Variants in ALG13 observed in about 807,000 individuals in gnomAD.
The protein encoded by ALG13 is ALG13 UDP-N-acetylglucosaminyltransferase subunit, also known as UDP-N-acetylglucosamine transferase subunit ALG13.
Under a neutral mutation model 87.8 loss-of-function variants are expected in ALG13, and 11 were observed. That is an observed-to-expected ratio of 0.13 (90% CI 0.08 to 0.21). The LOEUF (loss-of-function observed/expected upper bound fraction) is 0.21, where lower values mean the gene tolerates loss of function less well. Among genes scored for constraint, ALG13 ranks in the 10% least tolerant of loss-of-function variants. ALG13 has a pLI of 1.00. For synonymous variants in ALG13, 320 were observed against 306.3 expected, an observed-to-expected ratio of 1.04 and a Z score of -0.47; for missense variants, 756 against 866.1, an observed-to-expected ratio of 0.87 and a Z score of 1.60.
chrX:111,708,702 G>A (rs764682324), intron 4 of ALG13, among the ~76,000 whole-genome samples: 1 of 111,634 alleles, frequency 9.0e-6, no homozygotes, highest in South Asian at 3.8e-4. Context: ...AGCATCCCCT[G>A]CTTCCTCTAA....
intron 8 of ALG13, among the ~76,000 whole-genome samples, 189 bp downstream of exon 8, chrX:111,713,486 C>T (rs1264426669): frequency 9.0e-6 from 1 of 111,543 alleles, no homozygotes; most frequent in African/African-American, 3.3e-5. Context: ...CAGACCTGAT[C>T]GTCATTTCTC....
At chrX:111,753,033 T>A (rs1045878186) in intron 25 of ALG13, 1 of 357,329 alleles carries the variant, frequency 2.8e-6, no homozygotes. Context: ...AAAATAGTCG[T>A]TAAACTGAAG....
intron 5 of ALG13, chrX:111,710,891 G>T (rs986014904): frequency 5.4e-5 from 6 of 111,049 alleles, no homozygotes; most frequent in African/African-American, 2.0e-4. Flanking sequence ...TAGAGATGGG[G>T]TTTCACCATG....
At chrX:111,702,433 TTTTA>T (rs1938044359) in intron 3 of ALG13, among the ~76,000 whole-genome samples, 1 of 111,954 alleles carries the variant, frequency 8.9e-6, no homozygotes. Flanking sequence ...TGTTCAATGA[TTTTA>T]TTTCCTTTCC....
At chrX:111,693,130 C>T (rs7876431) in intron 3 of ALG13, among the ~76,000 whole-genome samples, 9,567 of 104,857 alleles carry the variant, frequency 0.091, 1,064 homozygotes, top group African/African-American at 0.31. Flanking sequence ...TAATTCCCTA[C>T]GTGAATGCTC....
intron 21 of ALG13, among the ~76,000 whole-genome samples, chrX:111,734,142 T>C (rs1245653125): frequency 8.9e-6 from 1 of 112,672 alleles, no homozygotes; most frequent in Non-Finnish European, 1.9e-5. Flanking sequence ...TTCTTTTTGC[T>C]GTGCAGAAGC....
At chrX:111,681,601 G>A (rs1424430281) in intron 1 of ALG13, 21 of 949,444 alleles carry the variant, frequency 2.2e-5, no homozygotes, top group Non-Finnish European at 2.8e-5. Flanking sequence ...CGCGTCCTCC[G>A]CCCCTCCTTC....
Position 111,713,304 on chromosome X carries a change from A to T in ALG13, c.1005+7A>T. ...TAATGGCTATGAAGACAAGGTAAGA[A>T]GATGAGTGAATGTTGACTTATATAA... On this transcript the variant is annotated splice_region_variant and intron_variant, in intron 8 of 26. Transcript: ENST00000394780. 8.9e-7 allele frequency: 1 copy of T among 1,126,172 alleles called. No homozygotes were observed. Among genetic ancestry groups the T allele is most frequent in the South Asian group, 1.9e-5 (1 of 52,364 alleles). The allele number at this position is 1,126,172 out of a possible 1,213,427, so 92.8% of individuals were successfully genotyped here. A position where few individuals can be genotyped will look rare whatever the true frequency, so the allele number is the denominator to read the frequency against.
chrX:111,723,812 A>G lies in ALG13; in HGVS notation c.1515A>G (p.Ser505=). The G allele has an allele frequency of 8.5e-7, 1 of 1,176,169 alleles. No homozygotes were observed. Among genetic ancestry groups the G allele is most frequent in the Non-Finnish European group, 1.1e-6 (1 of 873,382 alleles). ...TCTCTTTTCAGGTTTGCTTGGAATC[A>G]GAAGGAAGATATTATAATGCTCATA... The part of the protein sequence containing the change: ...LGDKCQVCLE[S]EGRYYNAHIQ... The change falls in exon 14 of 27, where the codon TCA becomes TCG. Residue 505 remains serine, a synonymous_variant. Coordinates refer to ENST00000394780, the MANE Select transcript of ALG13 (RefSeq NM_001099922.3).
At chrX:111,741,866 T>C (rs904819369) in intron 23 of ALG13, among the ~76,000 whole-genome samples, 2 of 109,981 alleles carry the variant, frequency 1.8e-5, no homozygotes, top group Admixed American at 1.9e-4. Context: ...ATACAATAAA[T>C]GTTAATGATG....
chrX:111,736,678 A>G (rs752428832), intron 22 of ALG13, 36 bp from the exon 23 acceptor site: 6 of 1,183,863 alleles, frequency 5.1e-6, no homozygotes, highest in Non-Finnish European at 6.8e-6. Flanking sequence ...TGAAAAACCA[A>G]ACTTAAGAGT....
Position 111,682,178 on chromosome X carries a change from G to C in ALG13, c.128G>C (p.Arg43Thr). ...GYNRLILQIG[R>T]GTVVPEPFST... ...AACCGACTTATCCTGCAAATTGGTA[G>C]AGGAACGGTGGTACCTGAACCCTTC... Residue 43 changes from arginine (R) to threonine (T), a missense_variant, in exon 2 of 27, where the codon AGA becomes ACA. Arg to Thr is a moderately conservative substitution (Grantham distance 71). This residue lies in a region of ALG13 where 153 missense variants were observed against 168.7 expected (regional missense o/e 0.91). Transcript: ENST00000394780. 2 of 1,197,253 alleles carry C rather than the reference G, an allele frequency of 1.7e-6. No individual in the cohort carries two copies. The highest frequency in any genetic ancestry group is 2.3e-6 in the Non-Finnish European group (2 of 888,729).
Position 111,728,204 on chromosome X carries a change from C to T in ALG13, c.2267C>T (p.Thr756Ile), listed in dbSNP as rs772050498. 1 of 1,209,577 alleles carries T rather than the reference C, an allele frequency of 8.3e-7. No individual in the cohort carries two copies. The highest frequency in any genetic ancestry group is 1.7e-5 in the African/African-American group (1 of 57,209). ...PTLPNHGGPS[T>I]MVPATSGYCV... ...ATACAGAATCATGGAGGTCCCTCTA[C>T]AATGGTTCCTGCTACTTCAGGATAC... Residue 756 changes from threonine to isoleucine, a missense_variant, in exon 19 of 27, where the codon ACA becomes ATA. Thr to Ile is a moderately conservative substitution (Grantham distance 89). Coordinates refer to ENST00000394780, the MANE Select transcript of ALG13 (RefSeq NM_001099922.3).
intron 19 of ALG13, 59 bp from the exon 20 acceptor site, chrX:111,730,336 C>T: frequency 9.0e-7 from 1 of 1,110,773 alleles, no homozygotes; most frequent in Non-Finnish European, 1.2e-6. Context: ...CCATTTGGCT[C>T]TGCTGAGCTA....
intron 23 of ALG13, among the ~76,000 whole-genome samples, chrX:111,741,725 A>T (rs1402239871): frequency 9.1e-6 from 1 of 110,402 alleles, no homozygotes; most frequent in African/African-American, 3.3e-5. Flanking sequence ...AGGCAAGAGA[A>T]TCACTTGAAC....
intron 5 of ALG13, 101 bp from the exon 6 acceptor site, chrX:111,711,574 G>A: frequency 2.7e-6 from 2 of 739,804 alleles, no homozygotes; most frequent in Non-Finnish European, 4.0e-6. Context: ...CACCATAATT[G>A]TTGAGCTGAG....
intron 7 of ALG13, among the ~76,000 whole-genome samples, chrX:111,713,004 A>T (rs187596802): frequency 3.6e-3 from 398 of 110,766 alleles, no homozygotes; most frequent in Non-Finnish European, 6.4e-3. Flanking sequence ...TAAGATACAT[A>T]AAAAAAAATC....
At chrX:111,682,070 G>C in intron 1 of ALG13, 62 bp from the exon 2 acceptor site, 1 of 1,040,910 alleles carries the variant, frequency 9.6e-7, no homozygotes, top group Non-Finnish European at 1.3e-6. Flanking sequence ...AGTGGTGGTG[G>C]TTCCTGCTCT....
intron 23 of ALG13, among the ~76,000 whole-genome samples, chrX:111,740,287 G>A (rs779692174): frequency 9.0e-6 from 1 of 110,990 alleles, no homozygotes; most frequent in African/African-American, 3.3e-5. Flanking sequence ...AGTAATGGTG[G>A]GATATTCTAA....
Sources: allele counts gnomAD v4.1 joint callset (sites outside exome capture counted in the v4.1 genomes callset), GRCh38; gene constraint gnomAD v4.1.1; regional missense constraint gnomAD v4.1.1; transcripts MANE v1.5; gene names NCBI Gene and HGNC (gene_info 2026-07-23, HGNC 2026-07-21).